Variants in ERC1 observed in about 807,000 individuals in gnomAD.
ERC1 encodes RAB6 interacting protein 2.
ERC1 carries 56 observed loss-of-function variants against 132.0 expected under a neutral mutation model. The ratio of observed to expected loss-of-function variants is 0.42; its 90% CI spans 0.34 to 0.53. The LOEUF is 0.53. Among genes scored for constraint, ERC1 ranks in the 20% least tolerant of loss-of-function variants. ERC1 has a pLI of 0.03. For missense variants in ERC1, 1,202 were observed against 1,349.9 expected (o/e 0.89, Z 1.72); for synonymous variants, 478 against 476.1 (o/e 1.00, Z -0.05).
chr12:1,211,402 C>T (rs1957860387), intron 12 of ERC1, among the ~76,000 whole-genome samples: 1 of 152,206 alleles, frequency 6.6e-6, no homozygotes, highest in Admixed American at 6.5e-5. Flanking sequence ...CCCGCCTCGG[C>T]CTCCCAAAGT....
chr12:1,064,599 G>T, intron 2 of ERC1, among the ~76,000 whole-genome samples: 1 of 152,110 alleles, frequency 6.6e-6, no homozygotes, highest in East Asian at 1.9e-4. Flanking sequence ...TTGCTATGTT[G>T]CCCAGGCTTG....
chr12:1,121,677 A>ATCTCTATCTCTATC lies in ERC1; in HGVS notation c.1569+5647_1569+5648insCTATCTCTATCTCT, dbSNP rs56044523. 2.0e-3 allele frequency among the ~76,000 whole-genome samples: 16 copies of ATCTCTATCTCTATC among 8,186 alleles called. 1 individual carries two copies. Among genetic ancestry groups the ATCTCTATCTCTATC allele is most frequent in the East Asian group, 0.045 (1 of 22 alleles). The allele number at this position is 8,186 out of a possible 152,430, so 5.4% of individuals were successfully genotyped here. On this transcript the variant is annotated intron_variant, in intron 7 of 18. Transcript: ENST00000360905. The stretch of plus-strand genomic sequence containing the variant: ...TATCTCTATCTCTATCTCTATCTCT[A>ATCTCTATCTCTATC]TCTATCTCTATCTCTATCTCTATCT...
At chr12:1,365,159 A>G (rs1016010061) in intron 15 of ERC1, among the ~76,000 whole-genome samples, 1 of 152,238 alleles carries the variant, frequency 6.6e-6, no homozygotes, top group Admixed American at 6.5e-5. Context: ...AAATTATGAC[A>G]TATAGAATTG....
chr12:997,354 G>T (rs1224595329), intron 1 of ERC1, among the ~76,000 whole-genome samples: 1 of 152,188 alleles, frequency 6.6e-6, no homozygotes, highest in African/African-American at 2.4e-5. Context: ...ACGAACATAT[G>T]TGTCCTAGAT....
chr12:1,198,584 T>G (rs1014664527), intron 12 of ERC1, among the ~76,000 whole-genome samples: 1 of 152,226 alleles, frequency 6.6e-6, no homozygotes, highest in Non-Finnish European at 1.5e-5. Context: ...TTTCCATACC[T>G]CATTGTATTA....
At chr12:1,180,495 T>G in intron 8 of ERC1, 45 bp from the exon 9 acceptor site, 2 of 1,581,450 alleles carry the variant, frequency 1.3e-6, no homozygotes, top group Non-Finnish European at 1.7e-6. Flanking sequence ...TATTGTTTTT[T>G]TATACATGTC....
At chr12:1,196,497 G>GT (rs142573969) in intron 12 of ERC1, among the ~76,000 whole-genome samples, 2,678 of 139,186 alleles carry the variant, frequency 0.019, 32 homozygotes, top group Non-Finnish European at 0.028. Context: ...TCTTATGTAG[G>GT]TTTTTTTTTT....
chr12:1,141,818 C>T, intron 8 of ERC1, 31 bp downstream of exon 8: 1 of 1,502,268 alleles, frequency 6.7e-7, no homozygotes. Flanking sequence ...GTTCAGTGGC[C>T]CATTCCTCAT....
chr12:1,123,212 T>G (rs1162713756), intron 7 of ERC1, among the ~76,000 whole-genome samples: 1 of 152,160 alleles, frequency 6.6e-6, no homozygotes, highest in Non-Finnish European at 1.5e-5. Context: ...AGCATAAGTA[T>G]GGCTCTTAAT....
Position 1,263,130 on chromosome 12 carries a change from C to T in ERC1, c.2584C>T (p.Gln862Ter), listed in dbSNP as rs777453141. 6.2e-7 allele frequency: 1 copy of T among 1,613,906 alleles called. No individual in the cohort carries two copies. The highest frequency in any genetic ancestry group is 8.5e-7 in the Non-Finnish European group (1 of 1,179,970). The change falls in exon 14 of 19, where the codon CAA becomes TAA. Residue 862 changes from glutamine to a stop codon, truncating the protein, a stop_gained. Coordinates refer to ENST00000360905, the MANE Select transcript of ERC1 (RefSeq NM_178040.4). LOFTEE classifies it high-confidence loss of function. ...ITAEREMVLA[Q>*]EESARTNAEK... Reference sequence around the variant, plus strand: ...TGCAGAGCGGGAAATGGTGCTAGCACAAGAGGAATCAGCCAGGACCAATGC... The same window carrying T: ...TGCAGAGCGGGAAATGGTGCTAGCATAAGAGGAATCAGCCAGGACCAATGC...
chr12:1,059,371 T>C (rs1236567724), intron 2 of ERC1, among the ~76,000 whole-genome samples: 5 of 152,170 alleles, frequency 3.3e-5, no homozygotes. Context: ...CAGTACTATG[T>C]TGAGTAAGAA....
intron 2 of ERC1, among the ~76,000 whole-genome samples, chr12:1,046,433 G>A (rs1971091732): frequency 6.6e-6 from 1 of 152,146 alleles, no homozygotes; most frequent in South Asian, 2.1e-4. Flanking sequence ...ATTGTGATAT[G>A]TGAAAATTAT....
At chr12:1,101,138 A>T (rs1944613029) in intron 3 of ERC1, among the ~76,000 whole-genome samples, 1 of 152,136 alleles carries the variant, frequency 6.6e-6, no homozygotes, top group African/African-American at 2.4e-5. Context: ...TTATTTGATT[A>T]AACTCTATTT....
At chr12:1,117,323 G>C (rs1946561980) in intron 7 of ERC1, among the ~76,000 whole-genome samples, 1 of 152,188 alleles carries the variant, frequency 6.6e-6, no homozygotes, top group Non-Finnish European at 1.5e-5. Flanking sequence ...ACTGTTTCAT[G>C]TAATATTTTT....
rs1013979205 is a variant in ERC1, at chr12:1,070,339, C to T, written c.670-12825C>T. 3.3e-5 allele frequency among the ~76,000 whole-genome samples: 5 copies of T among 151,596 alleles called. No individual in the cohort carries two copies. In the East Asian group the frequency reaches 5.8e-4, roughly 18 times the overall value. ...TTTTGGAGGCAGGGTCTCACTCTGC[C>T]GCCCAGGCTGGAGTATAGTGGCATG... On this transcript the variant is annotated intron_variant, in intron 2 of 18. Transcript: ENST00000360905.
chr12:1,005,813 G>A (rs561053047), intron 1 of ERC1, among the ~76,000 whole-genome samples: 29 of 152,178 alleles, frequency 1.9e-4, no homozygotes, highest in African/African-American at 6.5e-4. Context: ...TGTACAGCAA[G>A]TATATACATG....
chr12:1,287,949 G>GT (rs1161516668), intron 14 of ERC1, among the ~76,000 whole-genome samples: 2 of 152,154 alleles, frequency 1.3e-5, no homozygotes, highest in African/African-American at 2.4e-5. Context: ...TTGGCTCTGA[G>GT]TTTTTTTGCA....
chr12:1,110,923 TGAACTCCTGA>T (rs1945786344), intron 5 of ERC1, among the ~76,000 whole-genome samples: 1 of 152,142 alleles, frequency 6.6e-6, no homozygotes, highest in South Asian at 2.1e-4. Flanking sequence ...TGGCTGGTCT[TGAACTCCTGA>T]CCTCAGGTGA....
In ERC1 at chr12:1,082,484, A is replaced by ATT. The variant is rs143154890; in HGVS notation, c.670-659_670-658dup. 1.4e-3 allele frequency among the ~76,000 whole-genome samples: 155 copies of ATT among 113,678 alleles called. 3 individuals are homozygous for ATT. The highest frequency in any genetic ancestry group is 5.3e-3 in the African/African-American group (137 of 26,066). 74.6% of individuals were successfully genotyped at this position (113,678 alleles called of 152,430 possible). On this transcript the variant is annotated intron_variant, in intron 2 of 18. Coordinates refer to ENST00000360905, the MANE Select transcript of ERC1 (RefSeq NM_178040.4). ...TTGTATTTTTTGATGAAAAAAAAAAATTTTTTTTTTTTTTTTTTTTTTAAG... is the reference window on the plus strand; with the variant it reads ...TTGTATTTTTTGATGAAAAAAAAAAATTTTTTTTTTTTTTTTTTTTTTTTAAG...
Sources: allele counts gnomAD v4.1 joint callset (sites outside exome capture counted in the v4.1 genomes callset), GRCh38; gene constraint gnomAD v4.1.1; transcripts MANE v1.5; gene names NCBI Gene and HGNC (gene_info 2026-07-23, HGNC 2026-07-21).